RGS9: variants seen among roughly 807,000 people sequenced by gnomAD.
RGS9 encodes the protein regulator of G-protein signalling 9.
A neutral mutation model predicts 102.0 loss-of-function variants in RGS9; 78 were observed. The observed-to-expected ratio is 0.76, with a 90% confidence interval of 0.64 to 0.92. The LOEUF (loss-of-function observed/expected upper bound fraction) is 0.92. Ranked by LOEUF, RGS9 falls within the 40% of genes least tolerant of loss-of-function variation. The pLI is 0.00. For missense variants in RGS9, 833 were observed against 866.1 expected, an observed-to-expected ratio of 0.96 and a Z score of 0.48; for synonymous variants, 353 against 318.6, an observed-to-expected ratio of 1.11 and a Z score of -1.15.
At chr17:65,189,372 T>A (rs1912270638) in intron 10 of RGS9, 57 bp downstream of exon 10, 1 of 1,358,892 alleles carries the variant, frequency 7.4e-7, no homozygotes, top group Non-Finnish European at 1.1e-6. Flanking sequence ...ACAGGTTATA[T>A]GTACTTTGTT....
At chr17:65,137,968 G>T (rs530421918) in intron 1 of RGS9, among the ~76,000 whole-genome samples, 38 of 152,240 alleles carry the variant, frequency 2.5e-4, no homozygotes, top group African/African-American at 8.9e-4. Context: ...ATCCCAAACT[G>T]CACTATTTTA....
Position 65,207,628 on chromosome 17 carries a change from G to A in RGS9, c.1204-294G>A, listed in dbSNP as rs994485022. On this transcript the variant is annotated intron_variant, in intron 15 of 18. Coordinates refer to ENST00000262406, the MANE Select transcript of RGS9 (RefSeq NM_003835.4). ...GACAATGTTGATAGGATCTGAAGCT[G>A]TGAGCTGTAAAACCTGAGACTGTTC... Among the ~76,000 whole-genome samples the A allele has an allele frequency of 7.9e-5, 12 of 152,310 alleles. No individual in the cohort carries two copies. The East Asian group carries it at 2.1e-3, about 27-fold the overall frequency.
chr17:65,201,318 C>A (rs1912832578), intron 13 of RGS9, among the ~76,000 whole-genome samples: 1 of 152,186 alleles, frequency 6.6e-6, no homozygotes, highest in Non-Finnish European at 1.5e-5. Context: ...AGGTGATGCT[C>A]AGTTCAGTCC....
At chr17:65,204,352 T>C in intron 15 of RGS9, 51 bp downstream of exon 15, 3 of 1,601,652 alleles carry the variant, frequency 1.9e-6, no homozygotes, top group Non-Finnish European at 2.6e-6. Context: ...TTTCTGTCAC[T>C]AAGTACCCGG....
chr17:65,177,084 TCCATC>T (rs1567873626), intron 8 of RGS9, among the ~76,000 whole-genome samples: 3,609 of 148,960 alleles, frequency 0.024, 149 homozygotes, highest in African/African-American at 0.085. Context: ...CATCCATCCA[TCCATC>T]CATCCTTCCA....
At chr17:65,175,219 A>G (rs1911580577) in intron 8 of RGS9, among the ~76,000 whole-genome samples, 1 of 151,644 alleles carries the variant, frequency 6.6e-6, no homozygotes, top group Admixed American at 6.6e-5. Flanking sequence ...GTGTCAGGGC[A>G]TGTATGTATG....
chr17:65,160,568 A>C lies in RGS9; in HGVS notation c.345A>C (p.Pro115=), dbSNP rs750974866. The C allele has an allele frequency of 3.7e-6, 6 of 1,614,224 alleles. No homozygotes were observed. In the South Asian group the frequency reaches 6.6e-5, roughly 18 times the overall value. The change falls in exon 5 of 19, where the codon CCA becomes CCC. Residue 115 remains proline (P), a synonymous_variant. Coordinates refer to ENST00000262406, the MANE Select transcript of RGS9 (RefSeq NM_003835.4). Reference sequence around the variant, plus strand: ...ATTTCTGGCCCACCCAGCAGTGGCCAGCTGAAGATACCGATTACGGTAAAT... The same window carrying C: ...ATTTCTGGCCCACCCAGCAGTGGCCCGCTGAAGATACCGATTACGGTAAAT... ...TPYFWPTQQW[P]AEDTDYAIYL...
In RGS9 at chr17:65,161,746, G is replaced by A. The variant is rs1016030825; in HGVS notation, c.423+837G>A. Among the ~76,000 whole-genome samples the A allele has an allele frequency of 6.0e-5, 9 of 151,226 alleles. No homozygotes were observed. In the South Asian group the frequency reaches 1.7e-3, roughly 28 times the overall value. ...TATTTATTTATTTATTTGAGACAAC[G>A]TCTTGCTCAATCACCCAGGCTGGCC... On this transcript the variant is annotated intron_variant, in intron 6 of 18. Coordinates refer to ENST00000262406, the MANE Select transcript of RGS9 (RefSeq NM_003835.4).
In RGS9 at chr17:65,222,350, T is replaced by G. The variant is rs9890163; in HGVS notation, c.1408-2652T>G. On this transcript the variant is annotated intron_variant, in intron 17 of 18. Transcript: ENST00000262406. ...GAGCTCACCCAGACACTCCCCCTTT[T>G]TAAAAGTCAGCTATGCCTCATCACA... is the stretch of plus-strand genomic sequence containing the variant. Among the ~76,000 whole-genome samples the G allele has an allele frequency of 4.2e-3, 641 of 152,304 alleles. 4 individuals carry two copies. The highest frequency in any genetic ancestry group is 0.015 in the African/African-American group (605 of 41,562).
chr17:65,193,756 T>G, intron 12 of RGS9, 100 bp downstream of exon 12: 1 of 742,666 alleles, frequency 1.3e-6, no homozygotes, highest in South Asian at 1.5e-5. Flanking sequence ...TTCAATGGTT[T>G]TTATTATATT....
intron 7 of RGS9, 48 bp downstream of exon 7, chr17:65,163,137 C>T: frequency 3.5e-6 from 3 of 849,686 alleles, no homozygotes; most frequent in Non-Finnish European, 5.6e-6. Context: ...TTTCCTCCCT[C>T]TCTTCCTTCT....
chr17:65,207,058 T>C (rs937053831), intron 15 of RGS9, among the ~76,000 whole-genome samples: 1 of 152,228 alleles, frequency 6.6e-6, no homozygotes, highest in African/African-American at 2.4e-5. Flanking sequence ...GTAACGAGCA[T>C]TCATGAAGCT....
Position 65,193,541 on chromosome 17 carries a change from A to C in RGS9, c.747-2A>C. ...GGAAATCATTTTCTGTTTCCTTTTCAGGATTGTGAAATACAGTGAGCAGTT... is the reference window on the plus strand; with the variant it reads ...GGAAATCATTTTCTGTTTCCTTTTCCGGATTGTGAAATACAGTGAGCAGTT... On this transcript the variant is annotated splice_acceptor_variant, in intron 11 of 18. Coordinates refer to ENST00000262406, the MANE Select transcript of RGS9 (RefSeq NM_003835.4). LOFTEE classifies it high-confidence loss of function. 6.3e-7 allele frequency: 1 copy of C among 1,596,664 alleles called. No individual in the cohort carries two copies.
chr17:65,200,985 T>C (rs60220025), intron 13 of RGS9, among the ~76,000 whole-genome samples: 30,219 of 152,074 alleles, frequency 0.2, 5,043 homozygotes, highest in African/African-American at 0.43. Context: ...TTGGATTTTC[T>C]ACTGCATAAT....
chr17:65,211,166 T>C (rs1181954878), intron 17 of RGS9, among the ~76,000 whole-genome samples: 2 of 152,238 alleles, frequency 1.3e-5, no homozygotes, highest in Non-Finnish European at 2.9e-5. Context: ...CCTATCTCTC[T>C]AATTTAGACT....
chr17:65,184,188 C>T (rs1215509370), intron 9 of RGS9, among the ~76,000 whole-genome samples: 6 of 152,066 alleles, frequency 3.9e-5, no homozygotes, highest in Non-Finnish European at 8.8e-5. Flanking sequence ...TAGAATTGTG[C>T]GTACTTTTTT....
chr17:65,213,087 C>T (rs981196272), intron 17 of RGS9, among the ~76,000 whole-genome samples: 1 of 152,170 alleles, frequency 6.6e-6, no homozygotes. Flanking sequence ...CTCTCTACAT[C>T]CTTATTTGTG....
Position 65,170,614 on chromosome 17 carries a change from G to C in RGS9, c.582+2333G>C, listed in dbSNP as rs540874838. Reference sequence around the variant, plus strand: ...AGTTCAGTCCTTTGGTAACCTCCTCGGTCATTAGAACGTTGCCTGGGTCAC... The same window carrying C: ...AGTTCAGTCCTTTGGTAACCTCCTCCGTCATTAGAACGTTGCCTGGGTCAC... On this transcript the variant is annotated intron_variant, in intron 8 of 18. Transcript: ENST00000262406. Among the ~76,000 whole-genome samples, 49 of 152,194 alleles carry C rather than the reference G, an allele frequency of 3.2e-4. No homozygotes were observed. The South Asian group carries it at 0.01, about 32-fold the overall frequency.
intron 8 of RGS9, among the ~76,000 whole-genome samples, chr17:65,170,657 G>T (rs894369999): frequency 6.6e-6 from 1 of 152,122 alleles, no homozygotes. Context: ...CTAAGAAGCC[G>T]AATGCCTGGG....
Sources: allele counts gnomAD v4.1 joint callset (sites outside exome capture counted in the v4.1 genomes callset), GRCh38; gene constraint gnomAD v4.1.1; transcripts MANE v1.5; gene names NCBI Gene and HGNC (gene_info 2026-07-23, HGNC 2026-07-21).